Variants in ADAMTSL1 observed in about 807,000 individuals in gnomAD.
The protein encoded by ADAMTSL1 is ADAMTS like 1, also known as ADAMTS-like protein 1.
A neutral mutation model predicts 201.8 loss-of-function variants in ADAMTSL1; 126 were observed. The observed-to-expected ratio is 0.62, with a 90% CI of 0.54 to 0.72. The LOEUF (loss-of-function observed/expected upper bound fraction) is 0.72, where lower values mean the gene tolerates loss of function less well. Among genes scored for constraint, ADAMTSL1 ranks in the 30% least tolerant of loss-of-function variants. ADAMTSL1 has a pLI of 0.00. For synonymous variants in ADAMTSL1, 1,121 were observed against 903.4 expected, an observed-to-expected ratio of 1.24 and a Z score of -4.32; for missense variants, 2,679 against 2,277.8, an observed-to-expected ratio of 1.18 and a Z score of -3.59.
At chr9:18,525,641 G>T (rs1216888371) in intron 2 of ADAMTSL1, among the ~76,000 whole-genome samples, 1 of 152,124 alleles carries the variant, frequency 6.6e-6, no homozygotes, top group East Asian at 1.9e-4. Context: ...CTGGTATGTT[G>T]TGTCTTTGTT....
chr9:18,324,049 A>C lies in ADAMTSL1; in HGVS notation c.207+160068A>C, dbSNP rs375940994. 5.3e-5 allele frequency among the ~76,000 whole-genome samples: 8 copies of C among 152,342 alleles called. No individual in the cohort carries two copies. The South Asian group carries it at 6.2e-4, about 12-fold the overall frequency. ...CTTTTGAAATGAAGAATGAGATTAA[A>C]TAGGATTTATACTACCTGATTTCAA... On this transcript the variant is annotated intron_variant, in intron 2 of 29. Coordinates refer to the ADAMTSL1 transcript ENST00000680146.
At chr9:18,306,155 A>T (rs1833901181) in intron 2 of ADAMTSL1, among the ~76,000 whole-genome samples, 2 of 152,176 alleles carry the variant, frequency 1.3e-5, no homozygotes, top group African/African-American at 4.8e-5. Flanking sequence ...AACATCAACA[A>T]AAAAGACATC....
chr9:18,086,053 C>G (rs1392371659), intron 1 of ADAMTSL1, among the ~76,000 whole-genome samples: 1 of 152,066 alleles, frequency 6.6e-6, no homozygotes, highest in Admixed American at 6.6e-5. Context: ...TTGCCCTCAG[C>G]AGCTAGCGGG....
chr9:17,970,574 G>A (rs1336509448), intron 1 of ADAMTSL1, among the ~76,000 whole-genome samples: 1 of 151,984 alleles, frequency 6.6e-6, no homozygotes, highest in African/African-American at 2.4e-5. Context: ...CTGCCACAGT[G>A]GCTTCCCTCC....
At chr9:18,319,697 G>A (rs897085060) in intron 2 of ADAMTSL1, among the ~76,000 whole-genome samples, 9 of 152,162 alleles carry the variant, frequency 5.9e-5, no homozygotes, top group Non-Finnish European at 2.9e-5. Flanking sequence ...GATTTCACAT[G>A]GAAGAACAAC....
At chr9:18,268,672 A>G (rs1338241294) in intron 2 of ADAMTSL1, among the ~76,000 whole-genome samples, 3 of 152,170 alleles carry the variant, frequency 2.0e-5, no homozygotes, top group African/African-American at 7.2e-5. Flanking sequence ...TCTCTAAATC[A>G]TCAAATACCT....
intron 1 of ADAMTSL1, among the ~76,000 whole-genome samples, chr9:17,920,197 C>T (rs1826252005): frequency 6.6e-6 from 1 of 152,162 alleles, no homozygotes; most frequent in Admixed American, 6.5e-5. Flanking sequence ...GAATACCTGT[C>T]ACATGCCTAT....
intron 19 of ADAMTSL1, among the ~76,000 whole-genome samples, chr9:18,785,273 G>A (rs1478699845): frequency 1.3e-5 from 2 of 152,132 alleles, no homozygotes; most frequent in Non-Finnish European, 2.9e-5. Flanking sequence ...ACTTGCCACT[G>A]TTTTATAAGA....
intron 1 of ADAMTSL1, among the ~76,000 whole-genome samples, chr9:18,083,099 A>G (rs1823583517): frequency 6.6e-6 from 1 of 152,196 alleles, no homozygotes; most frequent in South Asian, 2.1e-4. Flanking sequence ...GGAACGTAAG[A>G]CTTGAGACAA....
intron 23 of ADAMTSL1, among the ~76,000 whole-genome samples, chr9:18,861,309 G>A (rs1194136099): frequency 6.6e-6 from 1 of 152,206 alleles, no homozygotes; most frequent in Non-Finnish European, 1.5e-5. Flanking sequence ...CAGCAGAACA[G>A]CATGTGCTCT....
chr9:18,481,930 C>T (rs963305113), intron 1 of ADAMTSL1, among the ~76,000 whole-genome samples: 1 of 152,190 alleles, frequency 6.6e-6, no homozygotes, highest in Non-Finnish European at 1.5e-5. Flanking sequence ...GGGGAACCTG[C>T]TGCCAGATTA....
At chr9:18,178,513 G>C (rs1234876208) in intron 2 of ADAMTSL1, among the ~76,000 whole-genome samples, 3 of 152,094 alleles carry the variant, frequency 2.0e-5, no homozygotes, top group Admixed American at 6.5e-5. Flanking sequence ...CTCGAACTGG[G>C]TGGAGCCCAC....
chr9:18,609,564 A>C (rs1256108915), intron 4 of ADAMTSL1, among the ~76,000 whole-genome samples: 1 of 152,268 alleles, frequency 6.6e-6, no homozygotes, highest in Non-Finnish European at 1.5e-5. Context: ...GCTGAAATAG[A>C]TCTGAGCTTT....
At chr9:18,891,727 C>T (rs142755123) in intron 25 of ADAMTSL1, among the ~76,000 whole-genome samples, 18 of 152,288 alleles carry the variant, frequency 1.2e-4, no homozygotes, top group African/African-American at 3.6e-4. Flanking sequence ...GGAAGTATAC[C>T]GAGCACTACC....
intron 13 of ADAMTSL1, among the ~76,000 whole-genome samples, chr9:18,688,429 A>G (rs1037390966): frequency 8.0e-5 from 12 of 150,904 alleles, no homozygotes; most frequent in Non-Finnish European, 1.8e-4. Flanking sequence ...CACCCAGCCG[A>G]ATATATTTTC....
chr9:18,089,102 A>G (rs1823893560), intron 1 of ADAMTSL1, among the ~76,000 whole-genome samples: 1 of 152,216 alleles, frequency 6.6e-6, no homozygotes. Flanking sequence ...CAGTGAGCCA[A>G]GATCGTGCCA....
At chr9:18,022,886 T>C (rs952109463) in intron 1 of ADAMTSL1, among the ~76,000 whole-genome samples, 3 of 152,146 alleles carry the variant, frequency 2.0e-5, no homozygotes, top group African/African-American at 7.2e-5. Flanking sequence ...GTCCCTATCA[T>C]GTTGCCTAGG....
At chr9:18,557,804 C>G (rs1821192966) in intron 3 of ADAMTSL1, among the ~76,000 whole-genome samples, 1 of 152,036 alleles carries the variant, frequency 6.6e-6, no homozygotes, top group South Asian at 2.1e-4. Context: ...ACTGCAATCT[C>G]CATATTTGCA....
intron 19 of ADAMTSL1, among the ~76,000 whole-genome samples, chr9:18,794,632 TTTTGTTGTTGTTG>T (rs1041935899): frequency 2.0e-5 from 3 of 149,082 alleles, no homozygotes; most frequent in African/African-American, 7.5e-5. Flanking sequence ...TGTTGTTTTT[TTTTGTTGTTGTTG>T]TTTTTTGAGA....
Sources: gnomAD v4.1 joint callset for allele counts (sites outside exome capture counted in the v4.1 genomes callset) on GRCh38, gnomAD v4.1.1 for gene constraint, MANE v1.5 for transcripts, NCBI Gene and HGNC (gene_info 2026-07-23, HGNC 2026-07-21) for gene names.